NRG1: variants seen among roughly 807,000 people sequenced by gnomAD.
NRG1 encodes the protein neuregulin 1.
In NRG1, 18 loss-of-function variants were observed where a neutral mutation model predicts 63.8. The ratio of observed to expected loss-of-function variants is 0.28; its 90% CI spans 0.19 to 0.42. The LOEUF is 0.42. Among genes scored for constraint, NRG1 ranks in the 10% least tolerant of loss-of-function variants. The probability of loss-of-function intolerance (pLI) is 1.00; values close to 1 mark genes in which losing one functional copy is unlikely to be tolerated. For synonymous variants in NRG1, 302 were observed against 301.3 expected (o/e 1.00, Z -0.02); for missense variants, 762 against 814.7 (o/e 0.94, Z 0.79).
chr8:31,824,498 C>T (rs1438278490), intron 1 of NRG1, among the ~76,000 whole-genome samples: 2 of 152,116 alleles, frequency 1.3e-5, no homozygotes, highest in East Asian at 1.9e-4. Context: ...GGAGGTTGCT[C>T]CTACATTCAT....
intron 1 of NRG1, among the ~76,000 whole-genome samples, chr8:32,557,113 C>T (rs1835329588): frequency 6.6e-6 from 1 of 152,136 alleles, no homozygotes; most frequent in Non-Finnish European, 1.5e-5. Flanking sequence ...TCATGCCATT[C>T]TCCTGCCTCA....
chr8:31,731,719 A>C (rs1031776776), intron 1 of NRG1, among the ~76,000 whole-genome samples: 1 of 152,218 alleles, frequency 6.6e-6, no homozygotes, highest in Non-Finnish European at 1.5e-5. Flanking sequence ...ATATTTCAGG[A>C]AATTCTGAAC....
intron 1 of NRG1, among the ~76,000 whole-genome samples, chr8:31,709,840 A>T (rs1811563193): frequency 1.3e-5 from 2 of 151,606 alleles, no homozygotes; most frequent in East Asian, 3.9e-4. Context: ...ATTTCCTTGA[A>T]TAGTTTAGCT....
chr8:32,602,134 T>C (rs913109094), intron 2 of NRG1, among the ~76,000 whole-genome samples: 1 of 152,150 alleles, frequency 6.6e-6, no homozygotes, highest in Non-Finnish European at 1.5e-5. Context: ...TGGCCACATG[T>C]CATGGCTGCC....
intron 1 of NRG1, among the ~76,000 whole-genome samples, chr8:31,681,388 GA>G (rs34131582): frequency 0.21 from 32,013 of 151,860 alleles, 3,827 homozygotes; most frequent in Non-Finnish European, 0.26. Context: ...TCACAAAAGA[GA>G]AAACACAAAT....
intron 1 of NRG1, among the ~76,000 whole-genome samples, chr8:31,991,406 C>G (rs199924746): frequency 1.6e-5 from 1 of 62,926 alleles, no homozygotes; most frequent in Non-Finnish European, 4.3e-5. Context: ...TTCTTCTTCT[C>G]CTTCTTCATC....
chr8:32,247,377 G>A (rs1848686157), intron 1 of NRG1, among the ~76,000 whole-genome samples: 1 of 152,048 alleles, frequency 6.6e-6, no homozygotes, highest in East Asian at 1.9e-4. Flanking sequence ...TTGTCCTAGG[G>A]AAGGTTAAGC....
chr8:31,709,471 G>T (rs1168986513), intron 1 of NRG1, among the ~76,000 whole-genome samples: 2 of 151,904 alleles, frequency 1.3e-5, no homozygotes, highest in Non-Finnish European at 1.5e-5. Flanking sequence ...CTTTTTTGTA[G>T]AGGAAAGAAT....
At chr8:32,156,497 A>G (rs1467129481) in intron 1 of NRG1, among the ~76,000 whole-genome samples, 3 of 152,258 alleles carry the variant, frequency 2.0e-5, no homozygotes, top group Non-Finnish European at 4.4e-5. Context: ...TTGTAATTCC[A>G]GTGCCTGGCA....
rs916724111 is a variant in NRG1, at chr8:31,894,873, T to C, written c.37+255442T>C. 1.6e-4 allele frequency among the ~76,000 whole-genome samples: 24 copies of C among 152,166 alleles called. 1 individual carries two copies. The highest frequency in any genetic ancestry group is 1.6e-3 in the Admixed American group (24 of 15,286). ...CCCATAATTACTATTTCTTTCATTA[T>C]GTTCTGGACACTCCAAATTTTCAAC... is the stretch of plus-strand genomic sequence containing the variant. On this transcript the variant is annotated intron_variant, in intron 1 of 10. Transcript: ENST00000519301.
In NRG1 at chr8:32,080,764, C is replaced by CGT. The variant is rs3084557; in HGVS notation, c.37+441377_37+441378dup. Among the ~76,000 whole-genome samples, 1,323 of 148,746 alleles carry CGT rather than the reference C, an allele frequency of 8.9e-3. 22 individuals are homozygous for CGT. Among genetic ancestry groups the CGT allele is most frequent in the African/African-American group, 0.031 (1,250 of 40,280 alleles). On this transcript the variant is annotated intron_variant, in intron 1 of 10. Transcript: ENST00000519301. ...GGGACAGAACCAATTTGTGTGTGTG[C>CGT]GTGTGTGTGTGTGTGTGTGTGTGTG...
chr8:32,658,774 A>G (rs1345869493), intron 5 of NRG1, among the ~76,000 whole-genome samples: 3 of 152,180 alleles, frequency 2.0e-5, no homozygotes, highest in Non-Finnish European at 2.9e-5. Context: ...CTTCTGATGT[A>G]TAGTTCTGGT....
At chr8:32,290,902 A>G (rs2129474014) in intron 1 of NRG1, among the ~76,000 whole-genome samples, 1 of 148,734 alleles carries the variant, frequency 6.7e-6, no homozygotes, top group South Asian at 2.1e-4. Context: ...CTGCAGAGAC[A>G]CAGGATGTGT....
chr8:31,777,771 GAGA>G lies in NRG1; in HGVS notation c.37+138341_37+138343del, dbSNP rs566594351. On this transcript the variant is annotated intron_variant, in intron 1 of 10. Transcript: ENST00000519301. ...AAACAGGAAGGAAGACAGAGCGGGG[GAGA>G]TGCCAGGCTCTTTTTAACAGCCAGG... Among the ~76,000 whole-genome samples the G allele has an allele frequency of 3.1e-3, 467 of 152,258 alleles. 4 individuals carry two copies. The highest frequency in any genetic ancestry group is 0.01 in the African/African-American group (425 of 41,554).
chr8:32,516,028 G>A (rs538139449), intron 1 of NRG1, among the ~76,000 whole-genome samples: 3 of 152,176 alleles, frequency 2.0e-5, no homozygotes, highest in South Asian at 4.2e-4. Context: ...TTTTCTTCTA[G>A]GATTTTAAAA....
At chr8:32,223,691 G>A (rs944733960) in intron 1 of NRG1, among the ~76,000 whole-genome samples, 1 of 152,168 alleles carries the variant, frequency 6.6e-6, no homozygotes, top group Non-Finnish European at 1.5e-5. Flanking sequence ...TCAACTGTAC[G>A]TGAACATGAT....
At chr8:31,794,601 C>T (rs1248085234) in intron 1 of NRG1, among the ~76,000 whole-genome samples, 2 of 151,806 alleles carry the variant, frequency 1.3e-5, no homozygotes, top group East Asian at 3.9e-4. Flanking sequence ...TATTTTACTT[C>T]ACCTCTGTGT....
chr8:32,552,286 T>C (rs1379040867), intron 1 of NRG1, among the ~76,000 whole-genome samples: 2 of 147,550 alleles, frequency 1.4e-5, no homozygotes, highest in South Asian at 2.1e-4. Flanking sequence ...TCTGTCGATA[T>C]GTTGTTCTTA....
chr8:32,352,127 G>T (rs1220241217), intron 1 of NRG1, among the ~76,000 whole-genome samples: 1 of 147,946 alleles, frequency 6.8e-6, no homozygotes, highest in Non-Finnish European at 1.5e-5. Flanking sequence ...AAGATCCGAA[G>T]TTTTCTCACT....
Sources: allele counts gnomAD v4.1 joint callset (sites outside exome capture counted in the v4.1 genomes callset), GRCh38; gene constraint gnomAD v4.1.1; transcripts MANE v1.5; gene names NCBI Gene and HGNC (gene_info 2026-07-23, HGNC 2026-07-21).